Variants in EOLA2 observed in about 807,000 individuals in gnomAD.
EOLA2 encodes the protein protein EOLA2.
A neutral mutation model predicts 4.1 loss-of-function variants in EOLA2; 3 were observed. The observed-to-expected ratio is 0.73, with a 90% CI of 0.33 to 1.89. The LOEUF is 1.89. EOLA2 is among the 40% of genes most tolerant of loss of function. The probability of loss-of-function intolerance (pLI) is 0.08; values close to 1 mark genes in which losing one functional copy is unlikely to be tolerated. For missense variants in EOLA2, 109 were observed against 126.4 expected, an observed-to-expected ratio of 0.86 and a Z score of 0.66; for synonymous variants, 52 against 51.7, an observed-to-expected ratio of 1.01 and a Z score of -0.03.
chrX:149,932,496 T>C lies in EOLA2; in HGVS notation c.*48A>G. 1 of 1,203,537 alleles carries C rather than the reference T, an allele frequency of 8.3e-7. No homozygotes were observed. The highest frequency in any genetic ancestry group is 1.7e-5 in the African/African-American group (1 of 57,394). On this transcript the variant is annotated 3_prime_UTR_variant, in exon 5 of 5. Coordinates refer to ENST00000370406, the MANE Select transcript of EOLA2 (RefSeq NM_001013845.2). Reference sequence around the variant, plus strand: ...TCACGATGGCAAATTGAAGGTGCCATGATTTAGCTGGTTTCTCTGGAACAT... The same window carrying C: ...TCACGATGGCAAATTGAAGGTGCCACGATTTAGCTGGTTTCTCTGGAACAT...
At chrX:149,938,078 G>A (rs1292206885) in intron 1 of EOLA2, 115 bp downstream of exon 1, 16 of 113,195 alleles carry the variant, frequency 1.4e-4, no homozygotes, top group African/African-American at 4.5e-4. Flanking sequence ...AGGGCGCTTC[G>A]GGCGCGCCCC....
chrX:149,934,624 C>T (rs782805211), intron 2 of EOLA2: 18 of 751,912 alleles, frequency 2.4e-5, no homozygotes, highest in Non-Finnish European at 2.7e-5. Context: ...CCCACACATG[C>T]CTTCCACGTG....
Position 149,935,570 on chromosome X carries a change from T to C in EOLA2, c.-162-1433A>G, listed in dbSNP as rs782194419. ...ACTGACCTATCCCCACAAGCACCCA[T>C]GGCCGGCCTCATGCCAGTCCTGTCT... On this transcript the variant is annotated intron_variant, in intron 2 of 4. Coordinates refer to ENST00000370406, the MANE Select transcript of EOLA2 (RefSeq NM_001013845.2). Among the ~76,000 whole-genome samples, 499 of 66,896 alleles carry C rather than the reference T, an allele frequency of 7.5e-3. 2 individuals are homozygous for C. Among genetic ancestry groups the C allele is most frequent in the African/African-American group, 0.028 (476 of 16,730 alleles). The allele number at this position is 66,896 out of a possible 115,157, so 58.1% of individuals were successfully genotyped here.
chrX:149,933,578 G>A (rs2090919133), intron 4 of EOLA2, 44 bp downstream of exon 4: 1 of 1,162,243 alleles, frequency 8.6e-7, no homozygotes, highest in Non-Finnish European at 1.2e-6. Flanking sequence ...ATCTTGGGCA[G>A]CAGCCCTAGG....
At position 149,934,243 on chromosome X, in the gene EOLA2, C is replaced by T. The variant is rs782016278; in HGVS notation, c.-162-106G>A. On this transcript the variant is annotated intron_variant, in intron 2 of 4. Transcript: ENST00000370406. ...GAGGGCCCCCTCGGCCTAGCCAGAGCGGAGAGTCGGGGCTGGTGTTAGCCC... is the reference window on the plus strand; with the variant it reads ...GAGGGCCCCCTCGGCCTAGCCAGAGTGGAGAGTCGGGGCTGGTGTTAGCCC... The T allele has an allele frequency of 6.8e-5, 51 of 746,355 alleles. No homozygotes were observed. The East Asian group carries it at 8.7e-4, about 13-fold the overall frequency. The allele number at this position is 746,355 out of a possible 1,213,427, so 61.5% of individuals were successfully genotyped here.
chrX:149,929,864 GACAACC>G (rs2090854478), downstream of EOLA2: 1 of 923,608 alleles, frequency 1.1e-6, no homozygotes, highest in Non-Finnish European at 1.4e-6. Context: ...CAACGTGGAA[GACAACC>G]ACAACCTTTT....
In EOLA2 at chrX:149,938,257, C is replaced by T; in HGVS notation, c.-275G>A. 1 of 113,117 alleles carries T rather than the reference C, an allele frequency of 8.8e-6. No homozygotes were observed. The highest frequency in any genetic ancestry group is 2.8e-4 in the East Asian group (1 of 3,561). The allele number at this position is 113,117 out of a possible 1,213,427, so 9.3% of individuals were successfully genotyped here. A position where few individuals can be genotyped will look rare whatever the true frequency, so the allele number is the denominator to read the frequency against. On this transcript the variant is annotated 5_prime_UTR_variant, in exon 1 of 5. Coordinates refer to ENST00000370406, the MANE Select transcript of EOLA2 (RefSeq NM_001013845.2). ...GAGTCGTGGGCGTTCAGGGCCGACTCTGGCTTTTGGCCTCAGAGTACAGTC... is the reference window on the plus strand; with the variant it reads ...GAGTCGTGGGCGTTCAGGGCCGACTTTGGCTTTTGGCCTCAGAGTACAGTC...
At chrX:149,933,289 T>G (rs1557374899) in intron 4 of EOLA2, among the ~76,000 whole-genome samples, 2 of 101,210 alleles carry the variant, frequency 2.0e-5, no homozygotes, top group African/African-American at 7.4e-5. Context: ...TCATGGTCTC[T>G]GCCACACATG....
downstream of EOLA2, chrX:149,930,883 G>A: frequency 3.5e-5 from 30 of 852,206 alleles, no homozygotes; most frequent in Non-Finnish European, 4.2e-5. Flanking sequence ...TGGGAAATGG[G>A]CCCCCTCAGG....
At position 149,934,015 on chromosome X, in the gene EOLA2, T is replaced by C; in HGVS notation, c.-40A>G. 9.0e-7 allele frequency: 1 copy of C among 1,113,501 alleles called. No individual in the cohort carries two copies. The highest frequency in any genetic ancestry group is 1.2e-6 in the Non-Finnish European group (1 of 849,168). 91.8% of individuals were successfully genotyped at this position (1,113,501 alleles called of 1,213,427 possible). On this transcript the variant is annotated 5_prime_UTR_variant, in exon 3 of 5. Coordinates refer to ENST00000370406, the MANE Select transcript of EOLA2 (RefSeq NM_001013845.2). ...CTAAATCGCACTGACCTTGATGGTC[T>C]GCTGCTTCCGTCTGTCACTGATGTC...
chrX:149,932,108 T>A (rs182857009), downstream of EOLA2: 1 of 774,222 alleles, frequency 1.3e-6, no homozygotes, highest in East Asian at 1.2e-4. Context: ...CTTTCTGTAA[T>A]GTCGCCTGGA....
chrX:149,938,022 T>C (rs1462657430), intron 1 of EOLA2, 171 bp downstream of exon 1: 4 of 112,378 alleles, frequency 3.6e-5, no homozygotes, highest in African/African-American at 1.3e-4. Flanking sequence ...GTACACGCGC[T>C]TAGAAGGAGG....
At position 149,934,214 on chromosome X, in the gene EOLA2, G is replaced by C. The variant is rs375672264; in HGVS notation, c.-162-77C>G. On this transcript the variant is annotated intron_variant, in intron 2 of 4. Coordinates refer to ENST00000370406, the MANE Select transcript of EOLA2 (RefSeq NM_001013845.2). Reference sequence around the variant, plus strand: ...CACCGAGCCCTAGGGCAACACAGAGGACAGAGGGCCCCCTCGGCCTAGCCA... The same window carrying C: ...CACCGAGCCCTAGGGCAACACAGAGCACAGAGGGCCCCCTCGGCCTAGCCA... 1.7e-4 allele frequency: 149 copies of C among 854,264 alleles called. No individual in the cohort carries two copies. The African/African-American group carries it at 2.5e-3, about 14-fold the overall frequency. 70.4% of individuals were successfully genotyped at this position (854,264 alleles called of 1,213,427 possible). A position where few individuals can be genotyped will look rare whatever the true frequency, so the allele number is the denominator to read the frequency against.
chrX:149,935,665 T>G (rs188067039), intron 2 of EOLA2, among the ~76,000 whole-genome samples: 1 of 98,334 alleles, frequency 1.0e-5, no homozygotes, highest in African/African-American at 3.9e-5. Context: ...GGGACCCCCA[T>G]GTTGCTCACC....
At position 149,934,414 on chromosome X, in the gene EOLA2, C is replaced by T. The variant is rs1301560445; in HGVS notation, c.-162-277G>A. The T allele has an allele frequency of 9.5e-6, 7 of 737,474 alleles. No individual in the cohort carries two copies. In the Admixed American group the frequency reaches 5.6e-4, roughly 59 times the overall value. The allele number at this position is 737,474 out of a possible 1,213,427, so 60.8% of individuals were successfully genotyped here. The stretch of plus-strand genomic sequence containing the variant: ...TACTCCAGGGCTGCTGAGCCCACAT[C>T]GTTGATATCCAATCTCAGCTCTGTC... On this transcript the variant is annotated intron_variant, in intron 2 of 4. Transcript: ENST00000370406.
chrX:149,937,799 T>A (rs2091037410), intron 1 of EOLA2, among the ~76,000 whole-genome samples: 1 of 112,802 alleles, frequency 8.9e-6, no homozygotes, highest in South Asian at 3.6e-4. Flanking sequence ...CCCATTGTCA[T>A]CGGACGAGGG....
At chrX:149,933,308 C>T in intron 4 of EOLA2, among the ~76,000 whole-genome samples, 1 of 103,871 alleles carries the variant, frequency 9.6e-6, no homozygotes, top group East Asian at 3.1e-4. Context: ...TGTGCACTCA[C>T]ACATGTATGT....
chrX:149,934,526 C>T, intron 2 of EOLA2: 1 of 755,149 alleles, frequency 1.3e-6, no homozygotes, highest in Non-Finnish European at 1.6e-6. Context: ...AGCCCCTTCC[C>T]CCACCACTGC....
downstream of EOLA2, chrX:149,932,075 A>C (rs144723074): frequency 5.2e-4 from 386 of 745,285 alleles, 2 homozygotes; most frequent in African/African-American, 8.1e-3. Flanking sequence ...CTACCAGGCA[A>C]ACATTCAGTG....
Sources: gnomAD v4.1 joint callset for allele counts (sites outside exome capture counted in the v4.1 genomes callset) on GRCh38, gnomAD v4.1.1 for gene constraint, MANE v1.5 for transcripts, NCBI Gene and HGNC (gene_info 2026-07-23, HGNC 2026-07-21) for gene names.